Variants in HERC6 observed in about 807,000 individuals in gnomAD.
The protein encoded by HERC6 is HECT and RLD domain containing E3 ubiquitin protein ligase family member 6.
A neutral mutation model predicts 114.5 loss-of-function variants in HERC6; 101 were observed. The ratio of observed to expected loss-of-function variants is 0.88; its 90% CI spans 0.75 to 1.04. The LOEUF is 1.04. Ranked by LOEUF, HERC6 falls within the 50% of genes least tolerant of loss-of-function variation. The probability of loss-of-function intolerance (pLI) is 0.00; values close to 1 mark genes in which losing one functional copy is unlikely to be tolerated. For missense variants in HERC6, 1,133 were observed against 1,230.9 expected (o/e 0.92, Z 1.19); for synonymous variants, 408 against 436.2 (o/e 0.94, Z 0.81).
intron 15 of HERC6, among the ~76,000 whole-genome samples, chr4:88,425,174 T>C (rs1423323745): frequency 6.6e-6 from 1 of 152,168 alleles, no homozygotes; most frequent in East Asian, 1.9e-4. Context: ...ACCATTCACA[T>C]AGGAAGGTAG....
At chr4:88,416,161 G>A (rs1028397670) in intron 12 of HERC6, among the ~76,000 whole-genome samples, 1 of 152,214 alleles carries the variant, frequency 6.6e-6, no homozygotes, top group Admixed American at 6.5e-5. Context: ...GAGAGCAGGT[G>A]CTCAGTGTGC....
intron 3 of HERC6, among the ~76,000 whole-genome samples, chr4:88,386,418 C>T (rs1407249039): frequency 6.6e-6 from 1 of 152,038 alleles, no homozygotes; most frequent in African/African-American, 2.4e-5. Context: ...GTTGGCCAGG[C>T]TGGTCTCGAA....
intron 5 of HERC6, among the ~76,000 whole-genome samples, chr4:88,395,640 A>G (rs548296607): frequency 6.6e-6 from 1 of 152,276 alleles, no homozygotes; most frequent in African/African-American, 2.4e-5. Flanking sequence ...ACCATGCTGT[A>G]CAATACATCA....
At position 88,393,472 on chromosome 4, in the gene HERC6, T is replaced by C. The variant is rs1735025893; in HGVS notation, c.665-16T>C. ...TCTGTTTCTTATACTCTAGAGATTC[T>C]GCTTTCTTTCAACAGTGCAAAGCAA... On this transcript the variant is annotated splice_polypyrimidine_tract_variant and intron_variant, in intron 4 of 22. Coordinates refer to ENST00000264346, the MANE Select transcript of HERC6 (RefSeq NM_017912.4). The C allele has an allele frequency of 6.5e-7, 1 of 1,544,342 alleles. No homozygotes were observed. The highest frequency in any genetic ancestry group is 8.9e-7 in the Non-Finnish European group (1 of 1,122,884).
intron 5 of HERC6, among the ~76,000 whole-genome samples, chr4:88,394,547 A>G (rs547198350): frequency 1.3e-3 from 189 of 147,150 alleles, no homozygotes; most frequent in Non-Finnish European, 2.4e-3. Flanking sequence ...TATTATTATT[A>G]TTATTATTAT....
Position 88,440,191 on chromosome 4 carries a change from T to C in HERC6, c.2783T>C (p.Ile928Thr). 6.2e-7 allele frequency: 1 copy of C among 1,608,930 alleles called. No individual in the cohort carries two copies. Among genetic ancestry groups the C allele is most frequent in the Non-Finnish European group, 8.5e-7 (1 of 1,177,234 alleles). The change falls in exon 22 of 23, where the codon ATA becomes ACA. Residue 928 changes from isoleucine (I) to threonine (T), a missense_variant. Around this residue, in one of 3 missense-constraint regions of HERC6, gnomAD observed 388 missense variants for 445.9 expected, o/e 0.87. Transcript: ENST00000264346. Reference sequence around the variant, plus strand: ...GGATACCAAAAATCACATCCTACTATACAGTTGTTTTGGAAGGCTTTCCAC... The same window carrying C: ...GGATACCAAAAATCACATCCTACTACACAGTTGTTTTGGAAGGCTTTCCAC... ...EQGYQKSHPT[I>T]QLFWKAFHKL...
chr4:88,437,205 C>A (rs1242323170), intron 19 of HERC6, among the ~76,000 whole-genome samples: 1 of 151,762 alleles, frequency 6.6e-6, no homozygotes, highest in Non-Finnish European at 1.5e-5. Context: ...TATGGGCATG[C>A]GACACCATGC....
At chr4:88,394,998 T>G (rs796617341) in intron 5 of HERC6, among the ~76,000 whole-genome samples, 6 of 152,350 alleles carry the variant, frequency 3.9e-5, no homozygotes, top group African/African-American at 1.4e-4. Context: ...CACAGCTTCC[T>G]GAATGTTTTC....
chr4:88,388,600 T>C (rs1254910239), intron 3 of HERC6, among the ~76,000 whole-genome samples: 1 of 149,630 alleles, frequency 6.7e-6, no homozygotes, highest in African/African-American at 2.4e-5. Context: ...GACATATTAA[T>C]TTATTAATAT....
chr4:88,380,510 A>T (rs1734261035), intron 1 of HERC6, among the ~76,000 whole-genome samples: 1 of 136,858 alleles, frequency 7.3e-6, no homozygotes, highest in Non-Finnish European at 1.5e-5. Flanking sequence ...CGAGGTCAGG[A>T]AATCGAGACC....
Position 88,379,140 on chromosome 4 carries a change from T to G in HERC6, c.199+20T>G, listed in dbSNP as rs1247073203. 2.0e-6 allele frequency: 3 copies of G among 1,529,392 alleles called. No individual in the cohort carries two copies. The East Asian group carries it at 7.4e-5, about 38-fold the overall frequency. The allele number at this position is 1,529,392 out of a possible 1,614,324, so 94.7% of individuals were successfully genotyped here. On this transcript the variant is annotated intron_variant, in intron 1 of 22. Transcript: ENST00000264346. ...TGCCAGGTGAGCGGGGGGCCCCAGGTGCAGGGTGTGAGGACCCCAGTACAT... is the reference window on the plus strand; with the variant it reads ...TGCCAGGTGAGCGGGGGGCCCCAGGGGCAGGGTGTGAGGACCCCAGTACAT...
At chr4:88,404,248 A>G (rs1735697610) in intron 8 of HERC6, among the ~76,000 whole-genome samples, 2 of 148,324 alleles carry the variant, frequency 1.3e-5, no homozygotes, top group South Asian at 2.1e-4. Flanking sequence ...GCTGGAGTGC[A>G]ATGGTATGAT....
At chr4:88,411,955 G>A (rs1299164834) in intron 11 of HERC6, among the ~76,000 whole-genome samples, 1 of 152,192 alleles carries the variant, frequency 6.6e-6, no homozygotes, top group Non-Finnish European at 1.5e-5. Flanking sequence ...GATTGCAGGG[G>A]AGCCAGGGGC....
chr4:88,437,255 C>G (rs1418727182), intron 19 of HERC6, among the ~76,000 whole-genome samples: 2 of 152,020 alleles, frequency 1.3e-5, no homozygotes, highest in Admixed American at 6.6e-5. Flanking sequence ...TGGGTTTTTG[C>G]TATCTTGGCC....
intron 10 of HERC6, among the ~76,000 whole-genome samples, chr4:88,407,245 T>C (rs1735857893): frequency 6.6e-6 from 1 of 151,314 alleles, no homozygotes; most frequent in South Asian, 2.1e-4. Flanking sequence ...GCCCAGCTAA[T>C]TTTTTTGTAT....
intron 3 of HERC6, among the ~76,000 whole-genome samples, chr4:88,386,827 C>T (rs1222665250): frequency 2.0e-5 from 3 of 152,156 alleles, no homozygotes; most frequent in East Asian, 3.9e-4. Context: ...TGCTTTTAGG[C>T]AGGTAAGAGA....
chr4:88,395,385 A>G (rs1735174763), intron 5 of HERC6, among the ~76,000 whole-genome samples: 1 of 152,144 alleles, frequency 6.6e-6, no homozygotes, highest in Non-Finnish European at 1.5e-5. Context: ...TCATTCAATA[A>G]AGACTTATTA....
At chr4:88,382,433 A>C (rs1380445738) in intron 1 of HERC6, among the ~76,000 whole-genome samples, 1 of 152,148 alleles carries the variant, frequency 6.6e-6, no homozygotes, top group African/African-American at 2.4e-5. Flanking sequence ...CCTTCTGAGC[A>C]AGGGATTCAC....
intron 12 of HERC6, among the ~76,000 whole-genome samples, chr4:88,416,933 C>T (rs1333193057): frequency 6.6e-6 from 1 of 152,096 alleles, no homozygotes; most frequent in African/African-American, 2.4e-5. Context: ...ATCCATGTTG[C>T]AATCCAGTAA....
Sources: gnomAD v4.1 joint callset for allele counts (sites outside exome capture counted in the v4.1 genomes callset) on GRCh38, gnomAD v4.1.1 for gene constraint, gnomAD v4.1.1 regional missense constraint, MANE v1.5 for transcripts, NCBI Gene and HGNC (gene_info 2026-07-23, HGNC 2026-07-21) for gene names.